GABRG3: variants seen among roughly 807,000 people sequenced by gnomAD.
The protein encoded by GABRG3 is gamma-aminobutyric acid type A receptor subunit gamma3, also known as gamma-aminobutyric acid receptor subunit gamma-3.
In GABRG3, 25 loss-of-function variants were observed where a neutral mutation model predicts 48.8. The ratio of observed to expected loss-of-function variants is 0.51; its 90% CI spans 0.37 to 0.72. The LOEUF (loss-of-function observed/expected upper bound fraction) is 0.72, where lower values mean the gene tolerates loss of function less well. Ranked by LOEUF, GABRG3 falls within the 30% of genes least tolerant of loss-of-function variation. The probability of loss-of-function intolerance (pLI) is 0.00; values close to 1 mark genes in which losing one functional copy is unlikely to be tolerated. For missense variants in GABRG3, 394 were observed against 577.9 expected, an observed-to-expected ratio of 0.68 and a Z score of 3.26; for synonymous variants, 227 against 217.6, an observed-to-expected ratio of 1.04 and a Z score of -0.38.
chr15:27,506,956 C>G (rs1229014498), intron 6 of GABRG3, among the ~76,000 whole-genome samples: 1 of 151,876 alleles, frequency 6.6e-6, no homozygotes, highest in Non-Finnish European at 1.5e-5. Context: ...GCAATATAAG[C>G]ATTTAATGCT....
intron 5 of GABRG3, among the ~76,000 whole-genome samples, chr15:27,453,564 T>C (rs1566847326): frequency 6.6e-6 from 1 of 152,176 alleles, no homozygotes; most frequent in Non-Finnish European, 1.5e-5. Context: ...TTCAAAGGAT[T>C]TTAAATGCAA....
At chr15:27,124,831 T>A (rs1897791279) in intron 3 of GABRG3, among the ~76,000 whole-genome samples, 1 of 152,226 alleles carries the variant, frequency 6.6e-6, no homozygotes, top group Non-Finnish European at 1.5e-5. Flanking sequence ...TTCTGGTTCC[T>A]TTGAAAAATA....
At position 27,158,479 on chromosome 15, in the gene GABRG3, C is replaced by T. The variant is rs77479944; in HGVS notation, c.270+131658C>T. The T allele has an allele frequency of 3.0e-4, 46 of 152,280 alleles. No homozygotes were observed. In the East Asian group the frequency reaches 6.8e-3, roughly 22 times the overall value. 9.4% of individuals were successfully genotyped at this position (152,280 alleles called of 1,614,324 possible). On this transcript the variant is annotated intron_variant, in intron 3 of 9. Coordinates refer to ENST00000615808, the MANE Select transcript of GABRG3 (RefSeq NM_033223.5). ...TTCAAAGTGATTTTTCATTTACTCTCAAATTATACTTATAAATACTGTTTA... is the reference window on the plus strand; with the variant it reads ...TTCAAAGTGATTTTTCATTTACTCTTAAATTATACTTATAAATACTGTTTA...
chr15:27,180,718 A>G lies in GABRG3; in HGVS notation c.271-146091A>G, dbSNP rs560681498. Among the ~76,000 whole-genome samples, 8 of 152,102 alleles carry G rather than the reference A, an allele frequency of 5.3e-5. No homozygotes were observed. The highest frequency in any genetic ancestry group is 4.2e-4 in the South Asian group (2 of 4,818). ...AGCAATAATTGAAAAACAGAAACCT[A>G]TTTTCTTTAATTATTTTACTAATTT... On this transcript the variant is annotated intron_variant, in intron 3 of 9. Transcript: ENST00000615808. This position sits in a 1 kb window ranked among gnomAD's most constrained non-coding sequence, Gnocchi z 4.2.
At chr15:26,973,112 C>T (rs1164446792) in intron 1 of GABRG3, among the ~76,000 whole-genome samples, 1 of 152,178 alleles carries the variant, frequency 6.6e-6, no homozygotes, top group South Asian at 2.1e-4. Context: ...AAACGAGTGA[C>T]CAGCCGTTCA....
intron 5 of GABRG3, among the ~76,000 whole-genome samples, chr15:27,464,533 G>A (rs1396615788): frequency 6.6e-6 from 1 of 152,144 alleles, no homozygotes; most frequent in Non-Finnish European, 1.5e-5. Context: ...ATATTTTAGA[G>A]AACTGTGAAA....
At chr15:27,061,982 T>G (rs1428111609) in intron 3 of GABRG3, among the ~76,000 whole-genome samples, 1 of 152,182 alleles carries the variant, frequency 6.6e-6, no homozygotes, top group Non-Finnish European at 1.5e-5. Context: ...GAAATCAGCC[T>G]CCTCCTTCCT....
At chr15:27,455,153 CT>C (rs745550870) in intron 5 of GABRG3, among the ~76,000 whole-genome samples, 7 of 152,168 alleles carry the variant, frequency 4.6e-5, no homozygotes, top group South Asian at 2.1e-4. Context: ...AGAATCTTGA[CT>C]TTGTGAGGTC....
Position 27,537,266 on chromosome 15 carries a change from G to T in GABRG3, c.*4385G>T, listed in dbSNP as rs1361427112. The T allele has an allele frequency of 6.6e-6, 1 of 152,112 alleles. No homozygotes were observed. Among genetic ancestry groups the T allele is most frequent in the Non-Finnish European group, 1.5e-5 (1 of 68,032 alleles). The allele number at this position is 152,112 out of a possible 1,614,324, so 9.4% of individuals were successfully genotyped here. On this transcript the variant is annotated 3_prime_UTR_variant, in exon 10 of 10. Transcript: ENST00000615808. ...CTATCATTTAACAGATATTCAGAAA[G>T]GTTCCGGAAATACGGGGGAAAGAAC...
At chr15:27,531,551 C>T (rs527349239) in intron 9 of GABRG3, among the ~76,000 whole-genome samples, 1 of 152,236 alleles carries the variant, frequency 6.6e-6, no homozygotes, top group African/African-American at 2.4e-5. Context: ...GGTTCCCTCT[C>T]CACCTCCTCC....
chr15:27,227,808 A>G (rs1889671846), intron 3 of GABRG3, among the ~76,000 whole-genome samples: 1 of 152,198 alleles, frequency 6.6e-6, no homozygotes, highest in African/African-American at 2.4e-5. Context: ...ACTTTTGAAA[A>G]ATAACAGATG....
chr15:26,988,592 C>A (rs1895191878), intron 2 of GABRG3, among the ~76,000 whole-genome samples: 1 of 152,032 alleles, frequency 6.6e-6, no homozygotes, highest in African/African-American at 2.4e-5. Context: ...TAAAAAAGCC[C>A]AATCTAACAA....
chr15:27,306,152 TATA>T (rs1892417758), intron 3 of GABRG3, among the ~76,000 whole-genome samples: 1 of 129,086 alleles, frequency 7.7e-6, no homozygotes, highest in South Asian at 2.4e-4. Context: ...ACATATATAA[TATA>T]AACCTATATG....
At chr15:26,979,995 T>C (rs1401344314) in intron 2 of GABRG3, among the ~76,000 whole-genome samples, 1 of 152,224 alleles carries the variant, frequency 6.6e-6, no homozygotes, top group Non-Finnish European at 1.5e-5. Flanking sequence ...GGGAGTTATT[T>C]CATTTCCTTA....
chr15:27,456,317 C>A (rs1049420021), intron 5 of GABRG3, among the ~76,000 whole-genome samples: 3 of 152,180 alleles, frequency 2.0e-5, no homozygotes, highest in African/African-American at 7.2e-5. Flanking sequence ...GGTCATGACA[C>A]CCACAGATGA....
intron 3 of GABRG3, among the ~76,000 whole-genome samples, chr15:27,217,588 C>A (rs564470566): frequency 6.6e-6 from 1 of 152,172 alleles, no homozygotes; most frequent in Non-Finnish European, 1.5e-5. Flanking sequence ...GATCCTGCTC[C>A]GTGCTGTGGC....
rs1010259493 is a variant in GABRG3 at position 27,541,585 on chromosome 15, G to C, written c.*8704G>C. The C allele has an allele frequency of 3.9e-5, 6 of 152,280 alleles. No homozygotes were observed. Among genetic ancestry groups the C allele is most frequent in the Admixed American group, 3.3e-4 (5 of 15,294 alleles). 9.4% of individuals were successfully genotyped at this position (152,280 alleles called of 1,614,324 possible). A position where few individuals can be genotyped will look rare whatever the true frequency, so the allele number is the denominator to read the frequency against. Reference sequence around the variant, plus strand: ...CATCTTAGAGCACCGGTGTGGATGCGCTTGGCCCCGAGGGGGCCGCGCCCT... The same window carrying C: ...CATCTTAGAGCACCGGTGTGGATGCCCTTGGCCCCGAGGGGGCCGCGCCCT... On this transcript the variant is annotated 3_prime_UTR_variant, in exon 10 of 10. Coordinates refer to ENST00000615808, the MANE Select transcript of GABRG3 (RefSeq NM_033223.5).
Position 27,350,500 on chromosome 15 carries a change from C to T in GABRG3, c.574+21612C>T, listed in dbSNP as rs1170763865. On this transcript the variant is annotated intron_variant, in intron 5 of 9. Transcript: ENST00000615808. ...AAGCCTTCTGTCCTCAGGGAGTTCGCAGTGCAGTTGCAGGTAGGACAGATG... is the reference window on the plus strand; with the variant it reads ...AAGCCTTCTGTCCTCAGGGAGTTCGTAGTGCAGTTGCAGGTAGGACAGATG... The T allele has an allele frequency of 6.7e-5, 17 of 254,960 alleles. No homozygotes were observed. In the East Asian group the frequency reaches 1.6e-3, roughly 24 times the overall value. 15.8% of individuals were successfully genotyped at this position (254,960 alleles called of 1,614,324 possible). A position where few individuals can be genotyped will look rare whatever the true frequency, so the allele number is the denominator to read the frequency against.
In GABRG3 at chr15:27,369,806, C is replaced by CAAA. The variant is rs34901488; in HGVS notation, c.574+40944_574+40946dup. Among the ~76,000 whole-genome samples, 118 of 30,238 alleles carry CAAA rather than the reference C, an allele frequency of 3.9e-3. 3 individuals carry two copies. The highest frequency in any genetic ancestry group is 8.8e-3 in the African/African-American group (98 of 11,134). The allele number at this position is 30,238 out of a possible 152,430, so 19.8% of individuals were successfully genotyped here. A position where few individuals can be genotyped will look rare whatever the true frequency, so the allele number is the denominator to read the frequency against. On this transcript the variant is annotated intron_variant, in intron 5 of 9. Transcript: ENST00000615808. ...TGGGCGACAGAGTGAGACTCCGTCT[C>CAAA]AAAAAAAAAAAAAAAAAAAAAAAAA...
Sources: gnomAD v4.1 joint callset for allele counts (sites outside exome capture counted in the v4.1 genomes callset) on GRCh38, gnomAD v4.1.1 for gene constraint, Gnocchi (gnomAD v3.1) non-coding constraint, MANE v1.5 for transcripts, NCBI Gene and HGNC (gene_info 2026-07-23, HGNC 2026-07-21) for gene names.